PARD3: variants seen among roughly 807,000 people sequenced by gnomAD.
PARD3 encodes par-3 family cell polarity regulator, also known as partitioning defective 3 homolog.
Under a neutral mutation model 155.4 loss-of-function variants are expected in PARD3, and 75 were observed. The ratio of observed to expected loss-of-function variants is 0.48; its 90% CI spans 0.40 to 0.58. The LOEUF (loss-of-function observed/expected upper bound fraction) is 0.58. PARD3 is among the 20% of genes least tolerant of loss of function. The pLI, the probability that PARD3 is intolerant of heterozygous loss-of-function variation, is 0.00. For synonymous variants in PARD3, 576 were observed against 610.5 expected, an observed-to-expected ratio of 0.94 and a Z score of 0.83; for missense variants, 1,642 against 1,721.7, an observed-to-expected ratio of 0.95 and a Z score of 0.82.
intron 6 of PARD3, among the ~76,000 whole-genome samples, chr10:34,399,841 G>C (rs1843709501): frequency 6.6e-6 from 1 of 152,134 alleles, no homozygotes; most frequent in Non-Finnish European, 1.5e-5. Flanking sequence ...AGCTACCAAG[G>C]ACTCTAAAGA....
intron 2 of PARD3, among the ~76,000 whole-genome samples, chr10:34,657,212 G>A (rs942741878): frequency 2.0e-5 from 3 of 151,824 alleles, no homozygotes; most frequent in African/African-American, 7.3e-5. Flanking sequence ...CTGGGCAACA[G>A]AGGAGATCCC....
intron 22 of PARD3, among the ~76,000 whole-genome samples, chr10:34,141,633 T>C (rs1948194116): frequency 6.6e-6 from 1 of 152,116 alleles, no homozygotes; most frequent in African/African-American, 2.4e-5. Context: ...CAACAAAACC[T>C]CAGGAATGTA....
At chr10:34,358,439 C>A (rs1171460899) in intron 14 of PARD3, among the ~76,000 whole-genome samples, 2 of 152,088 alleles carry the variant, frequency 1.3e-5, no homozygotes, top group East Asian at 3.9e-4. Flanking sequence ...AGAGAACAGA[C>A]TCAATCCCAT....
intron 7 of PARD3, among the ~76,000 whole-genome samples, chr10:34,397,967 T>C (rs1401729088): frequency 6.6e-6 from 1 of 152,204 alleles, no homozygotes; most frequent in Non-Finnish European, 1.5e-5. Flanking sequence ...GGCAAGGCCA[T>C]GTTGAAAATA....
intron 20 of PARD3, among the ~76,000 whole-genome samples, chr10:34,286,542 T>C (rs929154292): frequency 6.6e-6 from 1 of 152,204 alleles, no homozygotes; most frequent in African/African-American, 2.4e-5. Flanking sequence ...AGCAGGCAAG[T>C]GCCAAGGCCC....
chr10:34,193,853 A>T (rs866176369), intron 22 of PARD3, among the ~76,000 whole-genome samples: 10 of 152,240 alleles, frequency 6.6e-5, no homozygotes, highest in Middle Eastern at 6.8e-3. Flanking sequence ...GAGGCTGTTG[A>T]TACTTTCCTG....
At position 34,230,014 on chromosome 10, in the gene PARD3, T is replaced by G. The variant is rs1489558258; in HGVS notation, c.3419+39643A>C. On this transcript the variant is annotated intron_variant, in intron 22 of 24. Transcript: ENST00000374788. ...AAAATACTGAAGCGTTAGTTCACATTTATACACTTGGGCAGCAATGAGGTG... is the reference window on the plus strand; with the variant it reads ...AAAATACTGAAGCGTTAGTTCACATGTATACACTTGGGCAGCAATGAGGTG... 2.0e-5 allele frequency among the ~76,000 whole-genome samples: 3 copies of G among 152,140 alleles called. No individual in the cohort carries two copies. In the East Asian group the frequency reaches 5.8e-4, roughly 29 times the overall value.
At chr10:34,515,946 T>C (rs1388437937) in intron 3 of PARD3, among the ~76,000 whole-genome samples, 2 of 150,360 alleles carry the variant, frequency 1.3e-5, no homozygotes, top group Admixed American at 1.3e-4. Context: ...TGTTTCCAAA[T>C]AGATGTACCT....
chr10:34,302,940 A>G (rs1167819547), intron 20 of PARD3, among the ~76,000 whole-genome samples: 4 of 152,064 alleles, frequency 2.6e-5, no homozygotes, highest in South Asian at 2.1e-4. Context: ...ATCCACCACT[A>G]AATCCCCAAC....
chr10:34,704,870 G>A (rs2094339749), intron 1 of PARD3, among the ~76,000 whole-genome samples: 1 of 152,158 alleles, frequency 6.6e-6, no homozygotes, highest in Non-Finnish European at 1.5e-5. Context: ...GACAAATAAA[G>A]TCCTAGTTAG....
chr10:34,454,995 G>A (rs2077259593), intron 4 of PARD3, among the ~76,000 whole-genome samples: 1 of 152,168 alleles, frequency 6.6e-6, no homozygotes, highest in Non-Finnish European at 1.5e-5. Context: ...CCTTGAGATA[G>A]AGGCTCATTC....
intron 22 of PARD3, among the ~76,000 whole-genome samples, chr10:34,185,074 AT>A (rs1178026077): frequency 6.6e-6 from 1 of 152,176 alleles, no homozygotes; most frequent in Non-Finnish European, 1.5e-5. Flanking sequence ...TCAGAGCCCC[AT>A]CCCCTGGAAT....
At chr10:34,241,537 T>A (rs946685940) in intron 22 of PARD3, among the ~76,000 whole-genome samples, 1 of 151,752 alleles carries the variant, frequency 6.6e-6, no homozygotes, top group African/African-American at 2.4e-5. Flanking sequence ...AACAGAGGAA[T>A]GGAAAGCAGC....
At chr10:34,694,716 C>T (rs899580511) in intron 2 of PARD3, among the ~76,000 whole-genome samples, 1 of 151,926 alleles carries the variant, frequency 6.6e-6, no homozygotes, top group Non-Finnish European at 1.5e-5. Context: ...TATTCCTGAC[C>T]CACAGGAGCC....
At chr10:34,516,447 G>A (rs1272570705) in intron 3 of PARD3, among the ~76,000 whole-genome samples, 1 of 152,018 alleles carries the variant, frequency 6.6e-6, no homozygotes. Flanking sequence ...GAATACCCAG[G>A]GTCCTAGGAT....
intron 1 of PARD3, among the ~76,000 whole-genome samples, chr10:34,770,118 T>A (rs908032631): frequency 6.6e-6 from 1 of 152,172 alleles, no homozygotes; most frequent in Non-Finnish European, 1.5e-5. Context: ...ATCTTCTGCC[T>A]GCAGACCACA....
intron 19 of PARD3, among the ~76,000 whole-genome samples, chr10:34,319,277 T>G (rs1437180561): frequency 6.6e-6 from 1 of 150,952 alleles, no homozygotes; most frequent in Non-Finnish European, 1.5e-5. Context: ...TTAGTAGAGA[T>G]AGGAATTCAC....
chr10:34,472,300 A>C (rs915577613), intron 3 of PARD3, among the ~76,000 whole-genome samples: 2 of 152,136 alleles, frequency 1.3e-5, no homozygotes, highest in African/African-American at 4.8e-5. Flanking sequence ...GCTGCTTATT[A>C]ATTTACACCC....
At chr10:34,747,275 G>A (rs1420029620) in intron 1 of PARD3, among the ~76,000 whole-genome samples, 2 of 152,082 alleles carry the variant, frequency 1.3e-5, no homozygotes, top group South Asian at 2.1e-4. Context: ...GAGCTGGGGC[G>A]GCAGGGGCTG....
Sources: gnomAD v4.1 joint callset for allele counts (sites outside exome capture counted in the v4.1 genomes callset) on GRCh38, gnomAD v4.1.1 for gene constraint, MANE v1.5 for transcripts, NCBI Gene and HGNC (gene_info 2026-07-23, HGNC 2026-07-21) for gene names.